KAZN: variants seen among roughly 807,000 people sequenced by gnomAD.
KAZN encodes the protein kazrin, periplakin interacting protein.
Under a neutral mutation model 87.4 loss-of-function variants are expected in KAZN, and 40 were observed. The ratio of observed to expected loss-of-function variants is 0.46; its 90% CI spans 0.36 to 0.60. The LOEUF (loss-of-function observed/expected upper bound fraction) is 0.60, where lower values mean the gene tolerates loss of function less well. KAZN is among the 20% of genes least tolerant of loss of function. KAZN has a pLI of 0.00. For synonymous variants in KAZN, 466 were observed against 458.3 expected (o/e 1.02, Z -0.22); for missense variants, 898 against 1,073.9 (o/e 0.84, Z 2.29).
intron 1 of KAZN, among the ~76,000 whole-genome samples, chr1:14,155,672 C>T (rs1231315358): frequency 6.6e-6 from 1 of 151,650 alleles, no homozygotes; most frequent in Non-Finnish European, 1.5e-5. Flanking sequence ...TTTTTTGAGA[C>T]AGGGTCTTGC....
intron 1 of KAZN, among the ~76,000 whole-genome samples, chr1:14,819,706 C>T (rs12131142): frequency 5.3e-4 from 62 of 117,500 alleles, no homozygotes; most frequent in Non-Finnish European, 6.4e-4. Context: ...GAAAAAAAAT[C>T]TTTTTTTTTT....
rs113718963 is a variant in KAZN, at chr1:14,180,129, AT to A, written c.92-295del. Among the ~76,000 whole-genome samples, 190 of 148,654 alleles carry A rather than the reference AT, an allele frequency of 1.3e-3. 3 individuals are homozygous for A. The highest frequency in any genetic ancestry group is 3.0e-3 in the South Asian group (14 of 4,644). On this transcript the variant is annotated intron_variant, in intron 1 of 16. Coordinates refer to the KAZN transcript ENST00000636203. ...ATTCATGTATCTATTTAACACCTTGATTTTTTTTTTTAAGTTTCTGCAACAG... is the reference window on the plus strand; with the variant it reads ...ATTCATGTATCTATTTAACACCTTGATTTTTTTTTTAAGTTTCTGCAACAG...
chr1:14,818,554 T>C lies in KAZN; in HGVS notation c.227-142130T>C, dbSNP rs116186796. On this transcript the variant is annotated intron_variant, in intron 1 of 14. Coordinates refer to ENST00000376030, the MANE Select transcript of KAZN (RefSeq NM_201628.3). ...CCCAGCAGGAGCTGCAGCTTTGAGT[T>C]TGAGGCATGAGGCCAACCCCAGCAA... Among the ~76,000 whole-genome samples the C allele has an allele frequency of 4.7e-3, 716 of 152,338 alleles. 4 individuals carry two copies. Among genetic ancestry groups the C allele is most frequent in the African/African-American group, 0.016 (671 of 41,572 alleles).
chr1:14,390,679 G>C (rs1356285579), intron 2 of KAZN: 1 of 152,508 alleles, frequency 6.6e-6, no homozygotes, highest in Non-Finnish European at 1.5e-5. Flanking sequence ...CAAATTTATT[G>C]ACTCACAGTT....
chr1:15,023,772 G>T (rs1338896755), intron 2 of KAZN, among the ~76,000 whole-genome samples: 1 of 152,050 alleles, frequency 6.6e-6, no homozygotes. Context: ...TGGGGGTGGG[G>T]GTGGGGACAC....
In KAZN at chr1:15,034,881, G is replaced by A. The variant is rs763675136; in HGVS notation, c.551G>A (p.Arg184His). The A allele has an allele frequency of 7.4e-5, 119 of 1,613,432 alleles. No individual in the cohort carries two copies. The highest frequency in any genetic ancestry group is 9.4e-5 in the Non-Finnish European group (111 of 1,179,872). Reference sequence around the variant, plus strand: ...TTCATCCGCAACTATGAGCAGCACCGCAAGGTCAGCCGCCGCCCTGCCCTC... The same window carrying A: ...TTCATCCGCAACTATGAGCAGCACCACAAGGTCAGCCGCCGCCCTGCCCTC... ...RDFIRNYEQH[R>H]KESEDAVKAL... The change falls in exon 3 of 15, where the codon CGC becomes CAC. Residue 184 changes from arginine to histidine, a missense_variant. This residue lies in a region of KAZN where 250 missense variants were observed against 263.0 expected (regional missense o/e 0.95). Transcript: ENST00000376030.
rs114659897 is a variant in KAZN, at chr1:14,241,203, G to C, written c.249+60611G>C. Reference sequence around the variant, plus strand: ...CCTCTTTTGTCTCCCTCATTGGGCAGTTACAGAAAGCTACACCTGAGAGGT... The same window carrying C: ...CCTCTTTTGTCTCCCTCATTGGGCACTTACAGAAAGCTACACCTGAGAGGT... On this transcript the variant is annotated intron_variant, in intron 2 of 16. Coordinates refer to the KAZN transcript ENST00000636203. Among the ~76,000 whole-genome samples, 1,070 of 152,320 alleles carry C rather than the reference G, an allele frequency of 7.0e-3. 11 individuals are homozygous for C. Among genetic ancestry groups the C allele is most frequent in the African/African-American group, 0.025 (1,021 of 41,568 alleles).
At chr1:14,794,883 A>T (rs1645784896) in intron 1 of KAZN, among the ~76,000 whole-genome samples, 1 of 152,206 alleles carries the variant, frequency 6.6e-6, no homozygotes, top group South Asian at 2.1e-4. Flanking sequence ...CAGCACGGCT[A>T]GGATAAAAGC....
chr1:15,041,104 C>A (rs1490237566), intron 3 of KAZN, among the ~76,000 whole-genome samples: 1 of 148,174 alleles, frequency 6.7e-6, no homozygotes, highest in Non-Finnish European at 1.5e-5. Context: ...GCGCATGCCA[C>A]CACACCTGGC....
At chr1:14,885,268 C>G (rs1653906758) in intron 1 of KAZN, among the ~76,000 whole-genome samples, 1 of 152,098 alleles carries the variant, frequency 6.6e-6, no homozygotes, top group Non-Finnish European at 1.5e-5. Flanking sequence ...CCCAGCTCCC[C>G]CTAGCCACTC....
At chr1:14,716,311 G>T (rs1017516246) in intron 1 of KAZN, among the ~76,000 whole-genome samples, 1 of 152,082 alleles carries the variant, frequency 6.6e-6, no homozygotes, top group South Asian at 2.1e-4. Flanking sequence ...GACATTTATC[G>T]TTCAGGCAAT....
intron 1 of KAZN, among the ~76,000 whole-genome samples, chr1:13,912,160 C>T (rs1483686960): frequency 6.6e-6 from 1 of 152,202 alleles, no homozygotes; most frequent in African/African-American, 2.4e-5. Context: ...CCCAGCCGAG[C>T]ACTGGGCTGC....
chr1:14,563,568 T>C (rs532603276), intron 2 of KAZN, among the ~76,000 whole-genome samples: 8 of 152,278 alleles, frequency 5.3e-5, no homozygotes, highest in African/African-American at 1.9e-4. Context: ...CAGTGGATGA[T>C]GCCTCCGCTA....
intron 1 of KAZN, among the ~76,000 whole-genome samples, chr1:14,864,287 G>A (rs185103575): frequency 1.1e-3 from 173 of 152,314 alleles, no homozygotes; most frequent in African/African-American, 3.9e-3. Flanking sequence ...CATGGGGGCC[G>A]GGCGCGGTGG....
intron 1 of KAZN, among the ~76,000 whole-genome samples, chr1:14,715,454 T>A (rs1221457424): frequency 6.6e-6 from 1 of 152,214 alleles, no homozygotes; most frequent in Non-Finnish European, 1.5e-5. Flanking sequence ...GCGAAGCTGT[T>A]TCCTCCATTC....
In KAZN at chr1:14,297,348, A is replaced by G. The variant is rs556657553; in HGVS notation, c.249+116756A>G. 7.2e-5 allele frequency among the ~76,000 whole-genome samples: 11 copies of G among 152,364 alleles called. No homozygotes were observed. In the East Asian group the frequency reaches 2.1e-3, roughly 29 times the overall value. ...ATGAATGGGTCCATCCTGTCTTATCAGAAAAGCAAAAACTGATTTTCGTTA... is the reference window on the plus strand; with the variant it reads ...ATGAATGGGTCCATCCTGTCTTATCGGAAAAGCAAAAACTGATTTTCGTTA... On this transcript the variant is annotated intron_variant, in intron 2 of 16. Coordinates refer to the KAZN transcript ENST00000636203.
chr1:14,951,225 C>G (rs1318595446), intron 1 of KAZN, among the ~76,000 whole-genome samples: 5 of 151,796 alleles, frequency 3.3e-5, no homozygotes, highest in Admixed American at 3.3e-4. Context: ...GAGGAGGTGC[C>G]CTAGTCCACT....
chr1:14,375,908 G>T (rs1010447989), intron 2 of KAZN, among the ~76,000 whole-genome samples: 1 of 151,200 alleles, frequency 6.6e-6, no homozygotes, highest in African/African-American at 2.4e-5. Context: ...AAAAAAAAAA[G>T]AAATTACATG....
chr1:14,535,873 A>G (rs553743429), intron 2 of KAZN, among the ~76,000 whole-genome samples: 1 of 152,306 alleles, frequency 6.6e-6, no homozygotes, highest in South Asian at 2.1e-4. Context: ...ACTGAAAATA[A>G]GGAGAGCTGG....
Sources: gnomAD v4.1 joint callset for allele counts (sites outside exome capture counted in the v4.1 genomes callset) on GRCh38, gnomAD v4.1.1 for gene constraint, gnomAD v4.1.1 regional missense constraint, MANE v1.5 for transcripts, NCBI Gene and HGNC (gene_info 2026-07-23, HGNC 2026-07-21) for gene names.